The following SEC24B variants were observed in gnomAD, a reference collection of about 807,000 sequenced individuals.
SEC24B encodes the protein protein transport protein Sec24B.
SEC24B carries 45 observed loss-of-function variants against 142.8 expected under a neutral mutation model. The observed-to-expected ratio is 0.32, with a 90% CI of 0.25 to 0.40. The LOEUF is 0.40. Among genes scored for constraint, SEC24B ranks in the 10% least tolerant of loss-of-function variants. The pLI is 1.00. For missense variants in SEC24B, 1,409 were observed against 1,526.8 expected (o/e 0.92, Z 1.29); for synonymous variants, 574 against 568.2 (o/e 1.01, Z -0.15).
intron 1 of SEC24B, among the ~76,000 whole-genome samples, chr4:109,453,451 C>T (rs1255678077): frequency 8.4e-6 from 1 of 119,562 alleles, no homozygotes; most frequent in East Asian, 3.0e-4. Context: ...CCCCCCCCCC[C>T]CCCCCCCCGA....
At chr4:109,454,471 G>A (rs1730453616) in intron 1 of SEC24B, among the ~76,000 whole-genome samples, 1 of 151,764 alleles carries the variant, frequency 6.6e-6, no homozygotes, top group Non-Finnish European at 1.5e-5. Context: ...CCCTCAGGTG[G>A]AGATTGGGGT....
intron 10 of SEC24B, among the ~76,000 whole-genome samples, chr4:109,515,348 G>A (rs1737820430): frequency 6.6e-6 from 1 of 152,200 alleles, no homozygotes; most frequent in African/African-American, 2.4e-5. Flanking sequence ...TAATCCACCG[G>A]CCTCAGCCTC....
intron 2 of SEC24B, among the ~76,000 whole-genome samples, chr4:109,470,456 A>G (rs545715654): frequency 7.2e-5 from 11 of 152,306 alleles, no homozygotes; most frequent in African/African-American, 2.6e-4. Flanking sequence ...ATGGCAAATG[A>G]TTTTTGTTTG....
intron 6 of SEC24B, among the ~76,000 whole-genome samples, chr4:109,495,282 T>G (rs927000913): frequency 6.6e-6 from 1 of 152,218 alleles, no homozygotes; most frequent in African/African-American, 2.4e-5. Flanking sequence ...TGAAGAACTT[T>G]ATGACACATA....
chr4:109,483,435 C>T (rs1485997147), intron 4 of SEC24B, among the ~76,000 whole-genome samples: 1 of 152,070 alleles, frequency 6.6e-6, no homozygotes, highest in Non-Finnish European at 1.5e-5. Flanking sequence ...TGTGACTTGT[C>T]ATATGAGGTC....
At chr4:109,473,232 G>T in intron 3 of SEC24B, 46 bp downstream of exon 3, 1 of 1,262,494 alleles carries the variant, frequency 7.9e-7, no homozygotes, top group Non-Finnish European at 1.0e-6. Context: ...ACACACATAC[G>T]TATTTATAGA....
chr4:109,535,965 A>G (rs1725492563), intron 22 of SEC24B, among the ~76,000 whole-genome samples: 1 of 152,224 alleles, frequency 6.6e-6, no homozygotes, highest in Non-Finnish European at 1.5e-5. Flanking sequence ...TGTATAATTA[A>G]TTAATTTAAA....
chr4:109,501,120 T>C (rs79141241), intron 6 of SEC24B, among the ~76,000 whole-genome samples: 7,136 of 152,334 alleles, frequency 0.047, 188 homozygotes, highest in African/African-American at 0.07. Context: ...AGGTGTCCTA[T>C]GCAAGTGTAC....
At chr4:109,479,351 A>G (rs955971821) in intron 3 of SEC24B, among the ~76,000 whole-genome samples, 2 of 152,168 alleles carry the variant, frequency 1.3e-5, no homozygotes, top group East Asian at 3.8e-4. Flanking sequence ...ATACATTTCT[A>G]CAGTGGGTTT....
chr4:109,521,720 GTTTT>G (rs1184930673), intron 14 of SEC24B, 94 bp downstream of exon 14: 3 of 1,001,202 alleles, frequency 3.0e-6, no homozygotes, highest in East Asian at 5.3e-5. Context: ...AGAGAGTTGG[GTTTT>G]TTTGTTTGTT....
At chr4:109,521,240 C>A in intron 13 of SEC24B, 68 bp downstream of exon 13, 1 of 1,085,406 alleles carries the variant, frequency 9.2e-7, no homozygotes, top group Non-Finnish European at 1.4e-6. Flanking sequence ...AAATATTTAA[C>A]ATTTGTTTAC....
chr4:109,518,559 T>C (rs547082221), intron 11 of SEC24B, among the ~76,000 whole-genome samples: 1 of 152,206 alleles, frequency 6.6e-6, no homozygotes, highest in African/African-American at 2.4e-5. Context: ...ATATCACTGA[T>C]CTTGGCCTGA....
At chr4:109,455,354 A>T (rs558440548) in intron 1 of SEC24B, among the ~76,000 whole-genome samples, 1 of 151,992 alleles carries the variant, frequency 6.6e-6, no homozygotes, top group East Asian at 1.9e-4. Context: ...GGTTCAAGCG[A>T]GTCTCCTGCC....
In SEC24B at chr4:109,450,147, A is replaced by G. The variant is rs533861226; in HGVS notation, c.134-12754A>G. Among the ~76,000 whole-genome samples, 4 of 152,264 alleles carry G rather than the reference A, an allele frequency of 2.6e-5. No individual in the cohort carries two copies. In the East Asian group the frequency reaches 5.8e-4, roughly 22 times the overall value. On this transcript the variant is annotated intron_variant, in intron 1 of 23. Coordinates refer to ENST00000265175, the MANE Select transcript of SEC24B (RefSeq NM_006323.5). ...AGGTTCACTTGAGCCCAGGGCTTCA[A>G]GGTTACAGTGAACTATGATCATACC...
intron 3 of SEC24B, 119 bp from the exon 4 acceptor site, chr4:109,481,558 C>G (rs1733738918): frequency 7.6e-6 from 5 of 659,028 alleles, no homozygotes; most frequent in Non-Finnish European, 1.1e-5. Context: ...TATTAATATG[C>G]ATGTTGGGAT....
intron 18 of SEC24B, among the ~76,000 whole-genome samples, chr4:109,528,348 C>A (rs1167294811): frequency 6.6e-6 from 1 of 151,660 alleles, no homozygotes; most frequent in Non-Finnish European, 1.5e-5. Flanking sequence ...ATCCTTTGAA[C>A]CCAGGAGGCA....
rs772052545 is a variant in SEC24B, at chr4:109,481,686, A to G, written c.1070A>G (p.Tyr357Cys). The G allele has an allele frequency of 3.7e-6, 6 of 1,612,278 alleles. No individual in the cohort carries two copies. The highest frequency in any genetic ancestry group is 1.3e-5 in the African/African-American group (1 of 74,894). Residue 357 changes from tyrosine (Y) to cysteine (C), a missense_variant, in exon 4 of 24, where the codon TAT (tyrosine) becomes TGT (cysteine). This residue lies in a region of SEC24B where 709 missense variants were observed against 673.5 expected (regional missense o/e 1.05). Transcript: ENST00000265175. Reference protein sequence around the residue: ...SELLQQKGVQYGEYVNNQASS... With the variant: ...SELLQQKGVQCGEYVNNQASS... ...GCTTTCCACTTTACAGGCGTGCAGT[A>G]TGGTGAATATGTTAATAACCAAGCT...
Position 109,530,427 on chromosome 4 carries a change from A to G in SEC24B, c.3215A>G (p.Lys1072Arg). The change falls in exon 19 of 24, where the codon AAG (lysine) becomes AGG (arginine). Residue 1072 changes from lysine to arginine, a missense_variant. By Grantham distance (26) the Lys-to-Arg change is conservative. Coordinates refer to ENST00000265175, the MANE Select transcript of SEC24B (RefSeq NM_006323.5). ...GCATTGATGGCGCCCAGCTCCCTCAAGTTGTTTCCTCTCTATGTTTTGGCC... is the reference window on the plus strand; with the variant it reads ...GCATTGATGGCGCCCAGCTCCCTCAGGTTGTTTCCTCTCTATGTTTTGGCC... ...HSALMAPSSL[K>R]LFPLYVLALL... is the part of the protein sequence containing the mutation. The G allele has an allele frequency of 1.2e-6, 2 of 1,614,006 alleles. No homozygotes were observed. The highest frequency in any genetic ancestry group is 1.1e-5 in the South Asian group (1 of 91,068).
intron 14 of SEC24B, among the ~76,000 whole-genome samples, chr4:109,521,876 C>T (rs916221507): frequency 3.3e-5 from 5 of 151,850 alleles, no homozygotes; most frequent in Admixed American, 2.6e-4. Context: ...GGATTACAGG[C>T]GTGCACCACC....
Sources: allele counts gnomAD v4.1 joint callset (sites outside exome capture counted in the v4.1 genomes callset), GRCh38; gene constraint gnomAD v4.1.1; regional missense constraint gnomAD v4.1.1; transcripts MANE v1.5; gene names NCBI Gene and HGNC (gene_info 2026-07-23, HGNC 2026-07-21).